DLG2: variants seen among roughly 807,000 people sequenced by gnomAD.
DLG2 encodes discs large MAGUK scaffold protein 2.
DLG2 carries 45 observed loss-of-function variants against 132.5 expected under a neutral mutation model. The ratio of observed to expected loss-of-function variants is 0.34; its 90% confidence interval spans 0.27 to 0.44. The LOEUF (loss-of-function observed/expected upper bound fraction) is 0.44. Among genes scored for constraint, DLG2 ranks in the 20% least tolerant of loss-of-function variants. The pLI is 1.00. For synonymous variants in DLG2, 424 were observed against 419.6 expected (o/e 1.01, Z -0.13); for missense variants, 1,045 against 1,196.9 (o/e 0.87, Z 1.87).
At chr11:84,349,558 G>A (rs2098553487) in intron 7 of DLG2, among the ~76,000 whole-genome samples, 1 of 152,222 alleles carries the variant, frequency 6.6e-6, no homozygotes, top group Non-Finnish European at 1.5e-5. Context: ...ACCCTTGGAT[G>A]TGAAACTTCT....
chr11:83,628,779 G>A (rs1321390540), intron 19 of DLG2, among the ~76,000 whole-genome samples: 4 of 152,022 alleles, frequency 2.6e-5, no homozygotes, highest in African/African-American at 7.2e-5. Context: ...TCTGTGTACC[G>A]TGTTATCTGC....
chr11:83,863,236 G>T (rs916790114), intron 16 of DLG2, among the ~76,000 whole-genome samples: 1 of 152,152 alleles, frequency 6.6e-6, no homozygotes, highest in Non-Finnish European at 1.5e-5. Flanking sequence ...GAGGTAAGGT[G>T]TGGTGACATT....
chr11:84,231,195 G>A lies in DLG2; in HGVS notation c.573+20043C>T, dbSNP rs149892353. On this transcript the variant is annotated intron_variant, in intron 8 of 27. Coordinates refer to ENST00000376104, the MANE Select transcript of DLG2 (RefSeq NM_001142699.3). ...CCTGAAATGTAATATAATGGTTGGC[G>A]CTACAGCAGCTATTTGAACCATTAG... 3.4e-3 allele frequency among the ~76,000 whole-genome samples: 514 copies of A among 152,206 alleles called. 4 individuals carry two copies. Among genetic ancestry groups the A allele is most frequent in the Non-Finnish European group, 5.7e-3 (387 of 68,010 alleles).
intron 11 of DLG2, among the ~76,000 whole-genome samples, chr11:84,050,058 G>C (rs2096331241): frequency 1.3e-5 from 2 of 151,598 alleles, no homozygotes; most frequent in African/African-American, 4.8e-5. Context: ...GGACAATGAA[G>C]AAGAGAAGAC....
chr11:84,643,899 G>T (rs1047858275), intron 6 of DLG2, among the ~76,000 whole-genome samples: 1 of 152,132 alleles, frequency 6.6e-6, no homozygotes, highest in African/African-American at 2.4e-5. Flanking sequence ...CATTGTGCCA[G>T]GTAGTTTATA....
chr11:84,524,895 TCTG>T (rs2099315688), intron 7 of DLG2, among the ~76,000 whole-genome samples: 1 of 151,678 alleles, frequency 6.6e-6, no homozygotes, highest in Non-Finnish European at 1.5e-5. Context: ...TTTTAAAACA[TCTG>T]CTATTTGGTC....
chr11:84,926,022 A>G (rs2092964828), intron 6 of DLG2, among the ~76,000 whole-genome samples: 1 of 152,122 alleles, frequency 6.6e-6, no homozygotes, highest in Non-Finnish European at 1.5e-5. Flanking sequence ...CAAACAACAA[A>G]CTGGGAAACT....
intron 19 of DLG2, among the ~76,000 whole-genome samples, chr11:83,609,782 C>T (rs567588837): frequency 6.6e-6 from 1 of 152,146 alleles, no homozygotes; most frequent in African/African-American, 2.4e-5. Context: ...CCTAAACTAG[C>T]CATGTTGGAG....
intron 7 of DLG2, among the ~76,000 whole-genome samples, chr11:84,338,834 A>T (rs1360947604): frequency 6.6e-6 from 1 of 152,096 alleles, no homozygotes; most frequent in Admixed American, 6.6e-5. Flanking sequence ...ATAATAAAAT[A>T]AAGTGGTAAT....
intron 8 of DLG2, among the ~76,000 whole-genome samples, chr11:84,243,377 T>C (rs989079672): frequency 1.9e-4 from 28 of 147,780 alleles, no homozygotes; most frequent in African/African-American, 6.6e-4. Flanking sequence ...TAGTTGTTCA[T>C]AGTGTGTTCA....
At chr11:83,772,980 G>T (rs1013554571) in intron 18 of DLG2, among the ~76,000 whole-genome samples, 1 of 152,132 alleles carries the variant, frequency 6.6e-6, no homozygotes, top group African/African-American at 2.4e-5. Context: ...CACATATTAT[G>T]TTAGCATTAA....
At position 84,574,368 on chromosome 11, in the gene DLG2, A is replaced by T. The variant is rs543613985; in HGVS notation, c.358-39637T>A. On this transcript the variant is annotated intron_variant, in intron 6 of 27. Coordinates refer to ENST00000376104, the MANE Select transcript of DLG2 (RefSeq NM_001142699.3). ...CTAATATTTCTCTTAAACAGAAAAA[A>T]AAAAAAACCTCTTAAACAGTAATGC... Among the ~76,000 whole-genome samples the T allele has an allele frequency of 2.8e-4, 42 of 152,218 alleles. 1 individual carries two copies. In the East Asian group the frequency reaches 7.7e-3, roughly 28 times the overall value.
chr11:84,533,624 T>C (rs1201168842), intron 7 of DLG2, among the ~76,000 whole-genome samples: 1 of 152,094 alleles, frequency 6.6e-6, no homozygotes, highest in East Asian at 1.9e-4. Flanking sequence ...CTTAGATGTT[T>C]TTGCAGGTAT....
intron 12 of DLG2, among the ~76,000 whole-genome samples, chr11:83,968,242 A>C (rs2154162948): frequency 6.6e-6 from 1 of 152,312 alleles, no homozygotes; most frequent in South Asian, 2.1e-4. Flanking sequence ...GTTGCTATGT[A>C]AGTTCCATGT....
intron 6 of DLG2, among the ~76,000 whole-genome samples, chr11:85,058,078 A>C (rs2063647198): frequency 6.6e-6 from 1 of 151,522 alleles, no homozygotes; most frequent in Non-Finnish European, 1.5e-5. Context: ...AAATAAGAAA[A>C]GAAAAAAATT....
chr11:83,910,030 T>G (rs1467913709), intron 15 of DLG2, among the ~76,000 whole-genome samples: 8 of 152,138 alleles, frequency 5.3e-5, no homozygotes, highest in Non-Finnish European at 1.0e-4. Context: ...AAAAACAGGA[T>G]GGAGAATTTT....
At chr11:84,195,025 G>A (rs1422054802) in intron 8 of DLG2, among the ~76,000 whole-genome samples, 4 of 152,204 alleles carry the variant, frequency 2.6e-5, no homozygotes, top group Admixed American at 2.6e-4. Context: ...AGCCCAGAGA[G>A]GGGCTCCCAC....
intron 19 of DLG2, among the ~76,000 whole-genome samples, chr11:83,611,229 C>T (rs1451136182): frequency 6.6e-6 from 1 of 151,874 alleles, no homozygotes; most frequent in Non-Finnish European, 1.5e-5. Context: ...AAAACAATTG[C>T]ATAGCCCTTT....
chr11:85,627,986 T>G, upstream of DLG2: 1 of 151,512 alleles, frequency 6.6e-6, no homozygotes, highest in Non-Finnish European at 1.5e-5. Flanking sequence ...GGCTGACAAG[T>G]GGGTCTTCTC....
Sources: gnomAD v4.1 joint callset for allele counts (sites outside exome capture counted in the v4.1 genomes callset) on GRCh38, gnomAD v4.1.1 for gene constraint, MANE v1.5 for transcripts, NCBI Gene and HGNC (gene_info 2026-07-23, HGNC 2026-07-21) for gene names.